RTN4: variants seen among roughly 807,000 people sequenced by gnomAD.
RTN4 encodes reticulon-4.
In RTN4, 32 loss-of-function variants were observed where a neutral mutation model predicts 90.4. That is an observed-to-expected ratio of 0.35 (90% confidence interval 0.27 to 0.48). The LOEUF is 0.48. Ranked by LOEUF, RTN4 falls within the 20% of genes least tolerant of loss-of-function variation. The pLI is 0.99. For synonymous variants in RTN4, 629 were observed against 552.5 expected (o/e 1.14, Z -1.94); for missense variants, 1,706 against 1,430.2 (o/e 1.19, Z -3.11).
chr2:54,987,608 C>T lies in RTN4; in HGVS notation c.3104G>A (p.Ser1035Asn), dbSNP rs201543611. The T allele has an allele frequency of 2.5e-6, 4 of 1,614,158 alleles. No homozygotes were observed. Among genetic ancestry groups the T allele is most frequent in the Non-Finnish European group, 2.5e-6 (3 of 1,179,984 alleles). The change falls in exon 4 of 9, where the codon AGC becomes AAC. Residue 1035 changes from serine (S) to asparagine (N), a missense_variant. Coordinates refer to ENST00000337526, the MANE Select transcript of RTN4 (RefSeq NM_020532.5). ...LFLLLSLTVF[S>N]IVSVTAYIAL... ...AATGTAGGCTGTTACGCTCACAATG[C>T]TGAATACTGTCAATGAAAGCAGCAG...
intron 1 of RTN4, among the ~76,000 whole-genome samples, chr2:55,039,594 A>G (rs1558840843): frequency 6.6e-6 from 1 of 152,214 alleles, no homozygotes; most frequent in Non-Finnish European, 1.5e-5. Context: ...AGCCTGCCCA[A>G]TATGGTGAAA....
chr2:55,104,446 G>A (rs1263547274), intron 1 of RTN4, among the ~76,000 whole-genome samples: 2 of 151,994 alleles, frequency 1.3e-5, no homozygotes, highest in Non-Finnish European at 2.9e-5. Context: ...TCCGCCTCCT[G>A]GGTTCATGAT....
intron 1 of RTN4, among the ~76,000 whole-genome samples, chr2:55,101,368 GTAA>G (rs1667850472): frequency 6.6e-6 from 1 of 151,988 alleles, no homozygotes; most frequent in South Asian, 2.1e-4. Context: ...ATTATCCATT[GTAA>G]TAATAATTTT....
chr2:55,061,320 T>C (rs1668288209), intron 2 of RTN4, among the ~76,000 whole-genome samples: 1 of 152,160 alleles, frequency 6.6e-6, no homozygotes, highest in African/African-American at 2.4e-5. Context: ...CACCATGGCC[T>C]CCCAAAGTGC....
chr2:55,089,192 C>T (rs565288155), intron 1 of RTN4, among the ~76,000 whole-genome samples: 4 of 152,214 alleles, frequency 2.6e-5, no homozygotes, highest in African/African-American at 7.2e-5. Context: ...GCCACCGCGC[C>T]GGGCCAGAGT....
chr2:55,024,539 G>A (rs1681677344), intron 3 of RTN4, among the ~76,000 whole-genome samples: 1 of 152,030 alleles, frequency 6.6e-6, no homozygotes, highest in South Asian at 2.1e-4. Context: ...AAAAAAAGGA[G>A]AATCGGTACT....
At chr2:55,130,271 T>C in the RTN4 span, among the ~76,000 whole-genome samples, 4 of 152,266 alleles carry the variant, frequency 2.6e-5, no homozygotes, top group African/African-American at 9.6e-5. Flanking sequence ...ACAATGTTTA[T>C]GTTTATATTT....
intron 1 of RTN4, among the ~76,000 whole-genome samples, chr2:55,098,586 C>A (rs1173623382): frequency 4.6e-5 from 7 of 151,852 alleles, no homozygotes; most frequent in Admixed American, 4.6e-4. Flanking sequence ...TTATCACACC[C>A]CAAAAAAATA....
At chr2:54,996,713 T>A (rs2104723850) in intron 3 of RTN4, among the ~76,000 whole-genome samples, 1 of 152,348 alleles carries the variant, frequency 6.6e-6, no homozygotes, top group Admixed American at 6.5e-5. Flanking sequence ...GACTCAAAGT[T>A]AAGAGCTTAA....
intron 1 of RTN4, among the ~76,000 whole-genome samples, chr2:55,033,916 T>C (rs535618325): frequency 8.5e-5 from 13 of 152,334 alleles, no homozygotes; most frequent in African/African-American, 3.1e-4. Flanking sequence ...TTCTGAAATA[T>C]AGAATAAATC....
At chr2:55,044,052 C>T (rs565026559) in intron 1 of RTN4, among the ~76,000 whole-genome samples, 153 of 151,718 alleles carry the variant, frequency 1.0e-3, no homozygotes, top group African/African-American at 3.5e-3. Context: ...AAAAATTAGC[C>T]GGGCGTGGTG....
intron 2 of RTN4, among the ~76,000 whole-genome samples, chr2:55,065,601 C>G (rs1223835850): frequency 1.3e-5 from 2 of 152,006 alleles, no homozygotes; most frequent in East Asian, 1.9e-4. Flanking sequence ...AAAGAGCAAA[C>G]CACTACACAC....
Position 55,064,349 on chromosome 2 carries a change from CTTTTT to C in RTN4, c.-63+16135_-63+16139del, listed in dbSNP as rs70947003. On this transcript the variant is annotated intron_variant, in intron 2 of 3. Coordinates refer to the RTN4 transcript ENST00000427710. ...TATTTAAAATGATAACACAAACATT[CTTTTT>C]TTTTTTTTTTTTGAGACAGAGTTTC... Among the ~76,000 whole-genome samples the C allele has an allele frequency of 3.0e-5, 4 of 133,386 alleles. No homozygotes were observed. In the South Asian group the frequency reaches 9.5e-4, roughly 32 times the overall value. 87.5% of individuals were successfully genotyped at this position (133,386 alleles called of 152,430 possible).
At position 55,025,609 on chromosome 2, in the gene RTN4, C is replaced by T; in HGVS notation, c.2490G>A (p.Leu830=). 6.2e-7 allele frequency: 1 copy of T among 1,613,516 alleles called. No homozygotes were observed. Among genetic ancestry groups the T allele is most frequent in the South Asian group, 1.1e-5 (1 of 91,022 alleles). Residue 830 remains leucine (L), a synonymous_variant, in exon 3 of 9, where the codon TTG becomes TTA. Transcript: ENST00000337526. ...STLSKKEKIP[L]QMEELSTAVY... ...CTGCAGTACTGAGCTCCTCCATCTGCAAAGGAATTTTCTCCTTTTTGCTCA... is the reference window on the plus strand; with the variant it reads ...CTGCAGTACTGAGCTCCTCCATCTGTAAAGGAATTTTCTCCTTTTTGCTCA...
chr2:55,057,347 T>TA (rs904778516), intron 2 of RTN4, among the ~76,000 whole-genome samples: 51 of 151,898 alleles, frequency 3.4e-4, no homozygotes, highest in Admixed American at 2.8e-3. Flanking sequence ...GTACAGAAAA[T>TA]AGAGCATAGG....
chr2:55,050,340 C>T lies in RTN4; in HGVS notation c.-40G>A, dbSNP rs774240348. ...GATGATGCTGCAGCTGCTGCCGCCGCCGCCGGGGCCGCGTCTCAGAGCCGC... is the reference window on the plus strand; with the variant it reads ...GATGATGCTGCAGCTGCTGCCGCCGTCGCCGGGGCCGCGTCTCAGAGCCGC... On this transcript the variant is annotated 5_prime_UTR_variant, in exon 1 of 9. Transcript: ENST00000337526. This position sits in a 1 kb window ranked among gnomAD's most constrained non-coding sequence, Gnocchi z 4.6. 1.5e-6 allele frequency: 2 copies of T among 1,300,188 alleles called. No individual in the cohort carries two copies. The highest frequency in any genetic ancestry group is 2.0e-6 in the Non-Finnish European group (2 of 1,001,984). 80.5% of individuals were successfully genotyped at this position (1,300,188 alleles called of 1,614,324 possible).
At chr2:55,108,832 C>CA (rs768087033) in intron 1 of RTN4, among the ~76,000 whole-genome samples, 12 of 152,000 alleles carry the variant, frequency 7.9e-5, no homozygotes, top group Non-Finnish European at 1.2e-4. Flanking sequence ...ACTAAAATCC[C>CA]AAAAAATAGT....
chr2:54,998,289 T>C (rs1679601776), intron 3 of RTN4, among the ~76,000 whole-genome samples: 1 of 151,696 alleles, frequency 6.6e-6, no homozygotes, highest in Non-Finnish European at 1.5e-5. Flanking sequence ...TTTAAAAAAA[T>C]AGTCATTTCA....
chr2:54,987,927 T>C (rs1488043399), intron 3 of RTN4, among the ~76,000 whole-genome samples: 2 of 152,254 alleles, frequency 1.3e-5, no homozygotes, highest in African/African-American at 4.8e-5. Flanking sequence ...TTTATTCAAA[T>C]TTATTTCTGC....
Sources: allele counts gnomAD v4.1 joint callset (sites outside exome capture counted in the v4.1 genomes callset), GRCh38; gene constraint gnomAD v4.1.1; non-coding constraint Gnocchi (gnomAD v3.1); transcripts MANE v1.5; gene names NCBI Gene and HGNC (gene_info 2026-07-23, HGNC 2026-07-21).